The following AR variants were observed in gnomAD, a reference collection of about 807,000 sequenced individuals.
AR encodes the protein androgen receptor, also known as dihydrotestosterone receptor.
AR carries 8 observed loss-of-function variants against 53.9 expected under a neutral mutation model. The ratio of observed to expected loss-of-function variants is 0.15; its 90% CI spans 0.09 to 0.27. AR has a LOEUF of 0.27. Among genes scored for constraint, AR ranks in the 10% least tolerant of loss-of-function variants. AR has a pLI of 1.00. For missense variants in AR, 639 were observed against 742.5 expected (o/e 0.86, Z 1.62); for synonymous variants, 359 against 316.4 (o/e 1.13, Z -1.43).
At chrX:67,664,002 A>T (rs751966481) in intron 2 of AR, among the ~76,000 whole-genome samples, 1 of 111,179 alleles carries the variant, frequency 9.0e-6, no homozygotes, top group South Asian at 3.8e-4. Flanking sequence ...TGCATTGGTT[A>T]TTCTAGTTAG....
At position 67,546,096 on chromosome X, in the gene AR, C is replaced by T. The variant is rs1021778539; in HGVS notation, c.950C>T (p.Thr317Ile). 4.1e-6 allele frequency: 5 copies of T among 1,211,217 alleles called. No individual in the cohort carries two copies. The highest frequency in any genetic ancestry group is 1.7e-5 in the African/African-American group (1 of 57,584). Residue 317 changes from threonine to isoleucine, a missense_variant, in exon 1 of 8, where the codon ACC becomes ATC. Around this residue, in one of 5 missense-constraint regions of AR, gnomAD observed 423 missense variants for 377.0 expected, o/e 1.12. Coordinates refer to ENST00000374690, the MANE Select transcript of AR (RefSeq NM_000044.6). ...AEYSPFKGGY[T>I]KGLEGESLGC... ...TATTCCCCTTTCAAGGGAGGTTACA[C>T]CAAAGGGCTAGAAGGCGAGAGCCTA...
intron 1 of AR, among the ~76,000 whole-genome samples, chrX:67,554,576 C>A (rs1930115545): frequency 9.0e-6 from 1 of 111,546 alleles, no homozygotes; most frequent in African/African-American, 3.3e-5. Context: ...TGCAGGGCAC[C>A]CAGCAAAAGG....
At chrX:67,606,966 A>C (rs892261042) in intron 1 of AR, among the ~76,000 whole-genome samples, 6 of 112,042 alleles carry the variant, frequency 5.4e-5, no homozygotes, top group African/African-American at 1.9e-4. Flanking sequence ...CTCTTTGTGA[A>C]TATCTTCAAC....
intron 1 of AR, among the ~76,000 whole-genome samples, chrX:67,589,187 C>T (rs1352365595): frequency 2.8e-5 from 3 of 108,695 alleles, no homozygotes; most frequent in Non-Finnish European, 5.7e-5. Flanking sequence ...GGCGTGAACC[C>T]GGGAAGCGGA....
Position 67,545,003 on chromosome X carries a change from G to A in AR, c.-144G>A. On this transcript the variant is annotated 5_prime_UTR_variant, in exon 1 of 8. Coordinates refer to ENST00000374690, the MANE Select transcript of AR (RefSeq NM_000044.6). The stretch of plus-strand genomic sequence containing the variant: ...GAGCGCTTTTTGCGTGGTTGCTCCC[G>A]CAAGTTTCCTTCTCTGGAGCTTCCC... The A allele has an allele frequency of 1.1e-6, 1 of 949,510 alleles. No individual in the cohort carries two copies. The highest frequency in any genetic ancestry group is 1.4e-6 in the Non-Finnish European group (1 of 714,162). 78.3% of individuals were successfully genotyped at this position (949,510 alleles called of 1,213,427 possible).
intron 1 of AR, among the ~76,000 whole-genome samples, chrX:67,551,520 G>A (rs894596521): frequency 2.7e-5 from 3 of 111,111 alleles, no homozygotes; most frequent in African/African-American, 3.3e-5. Context: ...TTTGTCGTAC[G>A]GAAGAGAATT....
intron 1 of AR, among the ~76,000 whole-genome samples, chrX:67,621,318 T>A (rs1924364744): frequency 9.0e-6 from 1 of 111,478 alleles, no homozygotes; most frequent in Admixed American, 9.5e-5. Context: ...TTGAAAAAAA[T>A]TAGATGCCCA....
In AR at chrX:67,568,539, G is replaced by T. The variant is rs374008261; in HGVS notation, c.1616+21777G>T. The stretch of plus-strand genomic sequence containing the variant: ...TTGACTCTTTCTACTGCACTCTGGG[G>T]ACAGTGGGTTCTGCGGTACCAACTC... On this transcript the variant is annotated intron_variant, in intron 1 of 7. Transcript: ENST00000374690. 2.0e-4 allele frequency among the ~76,000 whole-genome samples: 22 copies of T among 111,477 alleles called. No individual in the cohort carries two copies. In the South Asian group the frequency reaches 7.6e-3, roughly 38 times the overall value.
chrX:67,604,198 ATGTGTGTGTGTGTGTGTGTG>A (rs72092334), intron 1 of AR, among the ~76,000 whole-genome samples: 13 of 78,151 alleles, frequency 1.7e-4, no homozygotes, highest in East Asian at 1.4e-3. Context: ...GGGGAGAAAT[ATGTGTGTGTGTGTGTGTGTG>A]TGTGTGTGTG....
chrX:67,687,985 C>T (rs1385718001), intron 3 of AR, among the ~76,000 whole-genome samples: 1 of 112,332 alleles, frequency 8.9e-6, no homozygotes, highest in African/African-American at 3.2e-5. Context: ...TACTATATAA[C>T]CGTCAGATGC....
intron 1 of AR, among the ~76,000 whole-genome samples, chrX:67,624,881 A>G (rs1321230582): frequency 8.0e-5 from 7 of 87,749 alleles, no homozygotes; most frequent in Non-Finnish European, 1.3e-4. Context: ...ATTGTATTGT[A>G]GATTCAAGTC....
At chrX:67,575,626 A>C (rs1233173257) in intron 1 of AR, among the ~76,000 whole-genome samples, 2 of 112,177 alleles carry the variant, frequency 1.8e-5, no homozygotes, top group Non-Finnish European at 3.8e-5. Flanking sequence ...AGCTGTACTC[A>C]GATACTGAGA....
At chrX:67,603,826 A>T (rs1283239716) in intron 1 of AR, among the ~76,000 whole-genome samples, 1 of 111,478 alleles carries the variant, frequency 9.0e-6, no homozygotes, top group African/African-American at 3.3e-5. Context: ...GACAGGGAGC[A>T]CATTTAGGAT....
In AR at chrX:67,545,000, C is replaced by T; in HGVS notation, c.-147C>T. 1 of 929,783 alleles carries T rather than the reference C, an allele frequency of 1.1e-6. No homozygotes were observed. Among genetic ancestry groups the T allele is most frequent in the East Asian group, 3.5e-5 (1 of 28,813 alleles). 76.6% of individuals were successfully genotyped at this position (929,783 alleles called of 1,213,427 possible). Reference sequence around the variant, plus strand: ...TCAGAGCGCTTTTTGCGTGGTTGCTCCCGCAAGTTTCCTTCTCTGGAGCTT... The same window carrying T: ...TCAGAGCGCTTTTTGCGTGGTTGCTTCCGCAAGTTTCCTTCTCTGGAGCTT... On this transcript the variant is annotated 5_prime_UTR_variant, in exon 1 of 8. Coordinates refer to ENST00000374690, the MANE Select transcript of AR (RefSeq NM_000044.6).
In AR at chrX:67,724,015, C is replaced by A; in HGVS notation, c.*174C>A. ...TTTGCTGGGCTTTTTTTTTCTCTTT[C>A]TCTCCTTTCTTTTTCTTCTTCCCTC... On this transcript the variant is annotated 3_prime_UTR_variant, in exon 8 of 8. Transcript: ENST00000374690. 1.6e-6 allele frequency: 1 copy of A among 626,753 alleles called. No individual in the cohort carries two copies. The highest frequency in any genetic ancestry group is 2.4e-6 in the Non-Finnish European group (1 of 420,929). 51.7% of individuals were successfully genotyped at this position (626,753 alleles called of 1,213,427 possible). A position where few individuals can be genotyped will look rare whatever the true frequency, so the allele number is the denominator to read the frequency against.
chrX:67,634,237 A>G (rs1216836613), intron 1 of AR, among the ~76,000 whole-genome samples: 1 of 111,596 alleles, frequency 9.0e-6, no homozygotes, highest in East Asian at 2.8e-4. Context: ...ATCAGTTTGC[A>G]TATATGCAAA....
In AR at chrX:67,664,213, C is replaced by T. The variant is rs374503831; in HGVS notation, c.1768+20806C>T. Reference sequence around the variant, plus strand: ...AAGGCACTCTGATTTTTAGAGTTTCCGGTTTTTCTGCTCTGTTTTTTCCCC... The same window carrying T: ...AAGGCACTCTGATTTTTAGAGTTTCTGGTTTTTCTGCTCTGTTTTTTCCCC... On this transcript the variant is annotated intron_variant, in intron 2 of 7. Transcript: ENST00000374690. Among the ~76,000 whole-genome samples the T allele has an allele frequency of 2.9e-4, 32 of 111,663 alleles. No homozygotes were observed. In the East Asian group the frequency reaches 4.8e-3, roughly 17 times the overall value.
At chrX:67,547,815 A>G (rs926258876) in intron 1 of AR, among the ~76,000 whole-genome samples, 1 of 111,910 alleles carries the variant, frequency 8.9e-6, no homozygotes, top group African/African-American at 3.3e-5. Flanking sequence ...AAGAACTCTT[A>G]ATGACCTATG....
intron 2 of AR, among the ~76,000 whole-genome samples, chrX:67,682,480 G>A (rs1173731158): frequency 1.2e-4 from 13 of 108,722 alleles, no homozygotes; most frequent in East Asian, 1.2e-3. Context: ...TTATAGAGAC[G>A]GAGTCTCACT....
Sources: allele counts gnomAD v4.1 joint callset (sites outside exome capture counted in the v4.1 genomes callset), GRCh38; gene constraint gnomAD v4.1.1; regional missense constraint gnomAD v4.1.1; transcripts MANE v1.5; gene names NCBI Gene and HGNC (gene_info 2026-07-23, HGNC 2026-07-21).